ZNF609: variants seen among roughly 807,000 people sequenced by gnomAD.
The protein encoded by ZNF609 is zinc finger protein 609.
ZNF609 carries 11 observed loss-of-function variants against 109.5 expected under a neutral mutation model. The observed-to-expected ratio is 0.10, with a 90% CI of 0.06 to 0.17. The LOEUF is 0.17. Among genes scored for constraint, ZNF609 ranks in the 10% least tolerant of loss-of-function variants. The probability of loss-of-function intolerance (pLI) is 1.00; values close to 1 mark genes in which losing one functional copy is unlikely to be tolerated. For missense variants in ZNF609, 1,559 were observed against 1,772.4 expected (o/e 0.88, Z 2.16); for synonymous variants, 646 against 662.0 (o/e 0.98, Z 0.37).
At chr15:64,483,168 T>A (rs895438140) in intron 1 of ZNF609, among the ~76,000 whole-genome samples, 3 of 152,022 alleles carry the variant, frequency 2.0e-5, no homozygotes, top group African/African-American at 7.2e-5. Context: ...CTATCTCAGC[T>A]CCCTGCAACC....
intron 2 of ZNF609, among the ~76,000 whole-genome samples, chr15:64,562,458 C>CTGGT (rs1354206293): frequency 6.6e-6 from 1 of 152,168 alleles, no homozygotes; most frequent in Non-Finnish European, 1.5e-5. Flanking sequence ...GACTTCAAAG[C>CTGGT]TGGTCATCCT....
rs1462081674 is a variant in ZNF609 at position 64,536,734 on chromosome 15, C to CA, written c.747+36578dup. On this transcript the variant is annotated intron_variant, in intron 2 of 9. Transcript: ENST00000326648. ...TCTACTAAAATTCCACCCCCCCCCC[C>CA]AAAAAAAAAATTAGCTGGCAGGCAA... 2.0e-3 allele frequency among the ~76,000 whole-genome samples: 250 copies of CA among 123,712 alleles called. 2 individuals are homozygous for CA. Among genetic ancestry groups the CA allele is most frequent in the South Asian group, 8.1e-3 (30 of 3,718 alleles). 81.2% of individuals were successfully genotyped at this position (123,712 alleles called of 152,430 possible).
At chr15:64,590,667 T>C (rs542655693) in intron 2 of ZNF609, among the ~76,000 whole-genome samples, 1,333 of 88,368 alleles carry the variant, frequency 0.015, 23 homozygotes, top group African/African-American at 0.036. Flanking sequence ...CACACACACA[T>C]ATACATGCAT....
chr15:64,610,310 TCAAA>T (rs1895696713), intron 2 of ZNF609, among the ~76,000 whole-genome samples: 8 of 152,180 alleles, frequency 5.3e-5, no homozygotes, highest in Admixed American at 4.6e-4. Context: ...ATGGGCCTAC[TCAAA>T]CAGAGTGGAG....
chr15:64,509,285 AC>A (rs1567000864), intron 2 of ZNF609, among the ~76,000 whole-genome samples: 5 of 152,188 alleles, frequency 3.3e-5, no homozygotes, highest in Admixed American at 2.0e-4. Flanking sequence ...AAAAAGACCC[AC>A]TTTTCTCATC....
At chr15:64,616,131 G>T (rs1008840079) in intron 2 of ZNF609, among the ~76,000 whole-genome samples, 2 of 152,074 alleles carry the variant, frequency 1.3e-5, no homozygotes, top group African/African-American at 4.8e-5. Context: ...AAGTAGCTGG[G>T]ACTATAGGGA....
chr15:64,522,747 G>T (rs1371717118), intron 2 of ZNF609, among the ~76,000 whole-genome samples: 1 of 152,164 alleles, frequency 6.6e-6, no homozygotes, highest in Middle Eastern at 3.2e-3. Context: ...GCTTGCTCAA[G>T]ACATAAGCTT....
chr15:64,590,273 C>T (rs1033126179), intron 2 of ZNF609, among the ~76,000 whole-genome samples: 3 of 152,054 alleles, frequency 2.0e-5, no homozygotes, highest in Non-Finnish European at 2.9e-5. Context: ...TAAGGTCATA[C>T]ATATTAGTAG....
At chr15:64,510,195 ATTTTTTTTTCT>A (rs1893701117) in intron 2 of ZNF609, among the ~76,000 whole-genome samples, 1 of 129,038 alleles carries the variant, frequency 7.7e-6, no homozygotes, top group South Asian at 2.4e-4. Context: ...CATTGTTATA[ATTTTTTTTTCT>A]TTTTTTTTTT....
chr15:64,563,482 A>C lies in ZNF609; in HGVS notation c.748-59345A>C, dbSNP rs904235929. ...AAAAAAATAATTGAAAATAACTGAA[A>C]ATTTAAAAGATTGGCGGGGCGCAGT... is the stretch of plus-strand genomic sequence containing the variant. On this transcript the variant is annotated intron_variant, in intron 2 of 9. Transcript: ENST00000326648. Among the ~76,000 whole-genome samples, 4 of 151,868 alleles carry C rather than the reference A, an allele frequency of 2.6e-5. 1 individual carries two copies. The highest frequency in any genetic ancestry group is 5.9e-5 in the Non-Finnish European group (4 of 67,964).
chr15:64,483,518 C>T (rs1372025827), intron 1 of ZNF609, among the ~76,000 whole-genome samples: 1 of 152,110 alleles, frequency 6.6e-6, no homozygotes, highest in Non-Finnish European at 1.5e-5. Flanking sequence ...TTCTGAGTAG[C>T]TGGGACTACA....
intron 4 of ZNF609, among the ~76,000 whole-genome samples, chr15:64,671,806 T>C (rs1896735226): frequency 6.6e-6 from 1 of 152,156 alleles, no homozygotes. Context: ...TGAACAGTTC[T>C]TTTAGGAAAA....
intron 3 of ZNF609, among the ~76,000 whole-genome samples, chr15:64,651,744 A>C (rs1471437889): frequency 6.6e-6 from 1 of 152,202 alleles, no homozygotes; most frequent in Non-Finnish European, 1.5e-5. Context: ...GAGGTGACCT[A>C]GATGTTTGTA....
At chr15:64,598,653 A>T (rs1685085856) in intron 2 of ZNF609, among the ~76,000 whole-genome samples, 1 of 150,046 alleles carries the variant, frequency 6.7e-6, no homozygotes, top group Non-Finnish European at 1.5e-5. Flanking sequence ...TGATGGACCT[A>T]TAGATTGTTT....
chr15:64,534,211 A>T lies in ZNF609; in HGVS notation c.747+34045A>T, dbSNP rs138868162. ...TTTTTAGTAGAGACGGGGTTTCTCC[A>T]TGTTGGTCAGGCTGGTCTTGAACTC... On this transcript the variant is annotated intron_variant, in intron 2 of 9. Coordinates refer to ENST00000326648, the MANE Select transcript of ZNF609 (RefSeq NM_015042.2). 8.6e-3 allele frequency among the ~76,000 whole-genome samples: 1,306 copies of T among 151,086 alleles called. 18 individuals carry two copies. Among genetic ancestry groups the T allele is most frequent in the Middle Eastern group, 0.027 (8 of 294 alleles).
chr15:64,680,401 A>C lies in ZNF609; in HGVS notation c.3945+41A>C, dbSNP rs772113932. ...TGATGCTGGCTGTTACCCAAAGACT[A>C]GTAAGGCCAGATCCAGGGTCTGGGA... is the stretch of plus-strand genomic sequence containing the variant. On this transcript the variant is annotated intron_variant, in intron 7 of 9. Transcript: ENST00000326648. 3 of 1,603,968 alleles carry C rather than the reference A, an allele frequency of 1.9e-6. No individual in the cohort carries two copies. In the Admixed American group the frequency reaches 5.0e-5, roughly 27 times the overall value.
intron 3 of ZNF609, among the ~76,000 whole-genome samples, chr15:64,626,255 C>G (rs375741678): frequency 1.3e-5 from 2 of 152,042 alleles, no homozygotes; most frequent in Non-Finnish European, 2.9e-5. Context: ...CCCAGAGGGC[C>G]TTCACCTGAA....
chr15:64,627,865 G>T (rs1387048916), intron 3 of ZNF609, among the ~76,000 whole-genome samples: 3 of 150,444 alleles, frequency 2.0e-5, no homozygotes, highest in Admixed American at 6.6e-5. Context: ...TTGCTATGTT[G>T]TGCAGACTGG....
chr15:64,680,632 G>C lies in ZNF609; in HGVS notation c.3946-14G>C, dbSNP rs1896869985. On this transcript the variant is annotated splice_polypyrimidine_tract_variant and intron_variant, in intron 7 of 9. Transcript: ENST00000326648. ...CTCACTATAGTGCTTTTGTGTCTCT[G>C]GTTTCCTTTCCAGATAAGTGATAAA... is the stretch of plus-strand genomic sequence containing the variant. 6.4e-7 allele frequency: 1 copy of C among 1,569,062 alleles called. No homozygotes were observed. The highest frequency in any genetic ancestry group is 8.7e-7 in the Non-Finnish European group (1 of 1,155,428).
Sources: allele counts gnomAD v4.1 joint callset (sites outside exome capture counted in the v4.1 genomes callset), GRCh38; gene constraint gnomAD v4.1.1; transcripts MANE v1.5; gene names NCBI Gene and HGNC (gene_info 2026-07-23, HGNC 2026-07-21).